AGBL4: variants seen among roughly 807,000 people sequenced by gnomAD.
AGBL4 encodes AGBL carboxypeptidase 4, also known as cytosolic carboxypeptidase 6.
AGBL4 carries 58 observed loss-of-function variants against 66.4 expected under a neutral mutation model. The observed-to-expected ratio is 0.87, with a 90% CI of 0.71 to 1.09. The LOEUF (loss-of-function observed/expected upper bound fraction) is 1.09. Among genes scored for constraint, AGBL4 ranks in the 50% least tolerant of loss-of-function variants. AGBL4 has a pLI of 0.00. For synonymous variants in AGBL4, 234 were observed against 222.9 expected (o/e 1.05, Z -0.44); for missense variants, 579 against 631.0 (o/e 0.92, Z 0.88).
At chr1:49,623,012 CCA>C (rs892457438) in intron 3 of AGBL4, among the ~76,000 whole-genome samples, 12 of 152,076 alleles carry the variant, frequency 7.9e-5, no homozygotes, top group Admixed American at 6.6e-4. Context: ...CAGGAAAAAA[CCA>C]CACACACACT....
At chr1:49,028,701 T>C (rs149724199) in intron 5 of AGBL4, among the ~76,000 whole-genome samples, 3 of 152,258 alleles carry the variant, frequency 2.0e-5, no homozygotes, top group Non-Finnish European at 4.4e-5. Context: ...AATCTGTCAA[T>C]ATGATTCCAT....
At chr1:48,918,127 G>A (rs530394779) in intron 5 of AGBL4, among the ~76,000 whole-genome samples, 4 of 152,328 alleles carry the variant, frequency 2.6e-5, no homozygotes, top group African/African-American at 7.2e-5. Context: ...AGCTAATGGC[G>A]CAGCCGGGGC....
At chr1:49,847,563 C>T (rs1396955033) in intron 2 of AGBL4, among the ~76,000 whole-genome samples, 1 of 151,784 alleles carries the variant, frequency 6.6e-6, no homozygotes, top group Non-Finnish European at 1.5e-5. Flanking sequence ...AAAAATGTCA[C>T]AAAAAAGTAG....
intron 5 of AGBL4, among the ~76,000 whole-genome samples, chr1:48,950,654 G>A (rs1230496882): frequency 6.6e-6 from 1 of 152,148 alleles, no homozygotes; most frequent in African/African-American, 2.4e-5. Context: ...AGGTTTTTAA[G>A]AGCAGCCAGC....
intron 5 of AGBL4, among the ~76,000 whole-genome samples, chr1:49,036,802 T>A (rs940907255): frequency 6.6e-6 from 1 of 150,888 alleles, no homozygotes; most frequent in Non-Finnish European, 1.5e-5. Flanking sequence ...CCTCAAGCAA[T>A]GCTCTCAGTT....
chr1:48,926,036 G>A (rs1654528944), intron 5 of AGBL4, among the ~76,000 whole-genome samples: 1 of 152,164 alleles, frequency 6.6e-6, no homozygotes, highest in African/African-American at 2.4e-5. Flanking sequence ...AATGAGGACA[G>A]CAAATGTGGG....
intron 3 of AGBL4, among the ~76,000 whole-genome samples, chr1:49,637,642 A>C (rs1645702303): frequency 6.6e-6 from 1 of 152,110 alleles, no homozygotes; most frequent in Non-Finnish European, 1.5e-5. Context: ...TTATATGTTG[A>C]AGTATGTTAT....
In AGBL4 at chr1:49,164,866, G is replaced by C. The variant is rs544854495; in HGVS notation, c.377+80904C>G. Among the ~76,000 whole-genome samples, 125 of 152,208 alleles carry C rather than the reference G, an allele frequency of 8.2e-4. 1 individual carries two copies. The highest frequency in any genetic ancestry group is 2.9e-3 in the African/African-American group (122 of 41,540). On this transcript the variant is annotated intron_variant, in intron 4 of 13. Transcript: ENST00000371839. Reference sequence around the variant, plus strand: ...GACCATTCAACTGGTTGTGACCAAGGGTTTCTATAAATTTTGAGCAACTGG... The same window carrying C: ...GACCATTCAACTGGTTGTGACCAAGCGTTTCTATAAATTTTGAGCAACTGG...
intron 3 of AGBL4, among the ~76,000 whole-genome samples, chr1:49,341,674 G>T (rs375998624): frequency 1.3e-5 from 2 of 152,162 alleles, no homozygotes; most frequent in African/African-American, 4.8e-5. Flanking sequence ...AGGATTAGGC[G>T]TGTGCAGGAT....
intron 3 of AGBL4, among the ~76,000 whole-genome samples, chr1:49,295,545 G>GT (rs1644626019): frequency 6.6e-6 from 1 of 152,166 alleles, no homozygotes; most frequent in African/African-American, 2.4e-5. Context: ...GGAACCTAGA[G>GT]TCAAACTAGG....
At chr1:48,673,624 G>T (rs1646312068) in intron 6 of AGBL4, among the ~76,000 whole-genome samples, 1 of 152,130 alleles carries the variant, frequency 6.6e-6, no homozygotes, top group African/African-American at 2.4e-5. Context: ...AGAGGAGCCA[G>T]AGAAGCTGAA....
intron 3 of AGBL4, among the ~76,000 whole-genome samples, chr1:49,439,377 T>C (rs1557941480): frequency 6.6e-6 from 1 of 152,234 alleles, no homozygotes; most frequent in Admixed American, 6.5e-5. Flanking sequence ...AATAAGACTG[T>C]ACCAGAAATC....
chr1:49,586,044 GA>G (rs1644640581), intron 3 of AGBL4, among the ~76,000 whole-genome samples: 1 of 152,120 alleles, frequency 6.6e-6, no homozygotes, highest in Admixed American at 6.6e-5. Context: ...CCTACAAAGT[GA>G]ATTGCTTATT....
chr1:48,698,963 A>T (rs1646758208), intron 6 of AGBL4, among the ~76,000 whole-genome samples: 1 of 152,184 alleles, frequency 6.6e-6, no homozygotes, highest in Non-Finnish European at 1.5e-5. Flanking sequence ...CATCTTTAAA[A>T]CAATTTAACT....
intron 1 of AGBL4, among the ~76,000 whole-genome samples, chr1:49,992,800 T>C (rs1660063806): frequency 6.6e-6 from 1 of 152,166 alleles, no homozygotes; most frequent in Non-Finnish European, 1.5e-5. Context: ...ACTAATGTGA[T>C]CTTGAGGACT....
At chr1:48,865,618 G>T (rs900617552) in intron 6 of AGBL4, among the ~76,000 whole-genome samples, 1 of 152,008 alleles carries the variant, frequency 6.6e-6, no homozygotes, top group African/African-American at 2.4e-5. Context: ...TACTTTGCTT[G>T]CATTTGTGAA....
chr1:49,766,191 A>G (rs1571519752), intron 2 of AGBL4, among the ~76,000 whole-genome samples: 2 of 152,178 alleles, frequency 1.3e-5, no homozygotes, highest in Non-Finnish European at 2.9e-5. Flanking sequence ...CAGCTATGCA[A>G]AAAGGTGAGA....
intron 3 of AGBL4, among the ~76,000 whole-genome samples, chr1:49,593,963 G>A (rs1306748535): frequency 6.6e-6 from 1 of 152,044 alleles, no homozygotes; most frequent in East Asian, 1.9e-4. Flanking sequence ...AATATATATG[G>A]AAGTATATAC....
intron 4 of AGBL4, among the ~76,000 whole-genome samples, chr1:49,111,444 A>G (rs1473595077): frequency 6.6e-6 from 1 of 152,058 alleles, no homozygotes; most frequent in Non-Finnish European, 1.5e-5. Context: ...TGTCTTTCCC[A>G]CTAGAGGCTT....
Sources: gnomAD v4.1 joint callset for allele counts (sites outside exome capture counted in the v4.1 genomes callset) on GRCh38, gnomAD v4.1.1 for gene constraint, MANE v1.5 for transcripts, NCBI Gene and HGNC (gene_info 2026-07-23, HGNC 2026-07-21) for gene names.